Variants in FARS2 observed in about 807,000 individuals in gnomAD.
The protein encoded by FARS2 is phenylalanyl-tRNA synthetase 2, mitochondrial.
In FARS2, 40 loss-of-function variants were observed where a neutral mutation model predicts 46.4. That is an observed-to-expected ratio of 0.86 (90% CI 0.67 to 1.12). The LOEUF is 1.12. FARS2 is among the 50% of genes most tolerant of loss of function. The pLI is 0.00. For synonymous variants in FARS2, 234 were observed against 214.9 expected (o/e 1.09, Z -0.78); for missense variants, 513 against 567.9 (o/e 0.90, Z 0.98).
rs1561824809 is a variant in FARS2, at chr6:5,728,239, G to A, written c.1218-43052G>A. 1.7e-4 allele frequency among the ~76,000 whole-genome samples: 26 copies of A among 152,124 alleles called. 1 individual carries two copies. In the East Asian group the frequency reaches 4.8e-3, roughly 28 times the overall value. Reference sequence around the variant, plus strand: ...CCTGCAATTCCACCCAATAATTTGGGTTTGTTTCAAAATAGCCTAATAGCT... The same window carrying A: ...CCTGCAATTCCACCCAATAATTTGGATTTGTTTCAAAATAGCCTAATAGCT... On this transcript the variant is annotated intron_variant, in intron 6 of 6. Coordinates refer to ENST00000274680, the MANE Select transcript of FARS2 (RefSeq NM_006567.5).
Position 5,267,738 on chromosome 6 carries a change from A to G in FARS2, c.-22+6078A>G, listed in dbSNP as rs367553962. Among the ~76,000 whole-genome samples the G allele has an allele frequency of 5.1e-4, 73 of 144,124 alleles. No homozygotes were observed. The East Asian group carries it at 0.01, about 20-fold the overall frequency. 94.6% of individuals were successfully genotyped at this position (144,124 alleles called of 152,430 possible). A position where few individuals can be genotyped will look rare whatever the true frequency, so the allele number is the denominator to read the frequency against. On this transcript the variant is annotated intron_variant, in intron 1 of 6. Transcript: ENST00000274680. ...CACTGCACTCCAGCTTGGGAGACACAGCGAGACTGTCTCAAAAAAAAAAAA... is the reference window on the plus strand; with the variant it reads ...CACTGCACTCCAGCTTGGGAGACACGGCGAGACTGTCTCAAAAAAAAAAAA...
chr6:5,291,010 A>T (rs1238342693), intron 1 of FARS2: 1 of 152,230 alleles, frequency 6.6e-6, no homozygotes, highest in South Asian at 2.1e-4. Context: ...GTGAGCCACC[A>T]TGCCTAGCCT....
intron 6 of FARS2, among the ~76,000 whole-genome samples, chr6:5,615,586 G>A (rs1222051910): frequency 2.0e-5 from 3 of 152,086 alleles, no homozygotes; most frequent in African/African-American, 7.2e-5. Flanking sequence ...TGCTCCAATG[G>A]CAACATTTTT....
chr6:5,299,943 T>C (rs1394186124), intron 1 of FARS2, among the ~76,000 whole-genome samples: 1 of 152,196 alleles, frequency 6.6e-6, no homozygotes, highest in Non-Finnish European at 1.5e-5. Flanking sequence ...CCTTTATCTA[T>C]TAAAAAAAGA....
intron 5 of FARS2, among the ~76,000 whole-genome samples, chr6:5,612,796 A>T (rs1775259933): frequency 6.6e-6 from 1 of 152,216 alleles, no homozygotes; most frequent in African/African-American, 2.4e-5. Context: ...TGGCTTTCTG[A>T]AAGTATCACA....
chr6:5,329,069 G>T (rs1330378110), intron 1 of FARS2, among the ~76,000 whole-genome samples: 1 of 151,298 alleles, frequency 6.6e-6, no homozygotes, highest in Non-Finnish European at 1.5e-5. Context: ...AGAGTGCTGT[G>T]TTTCAGTGAT....
At chr6:5,257,064 T>C (rs553151235), upstream of FARS2, among the ~76,000 whole-genome samples, 1 of 152,334 alleles carries the variant, frequency 6.6e-6, no homozygotes, top group East Asian at 1.9e-4. Flanking sequence ...TCAACTCCCA[T>C]TTGATGTCCT....
At chr6:5,584,108 G>GACACACACACACAC (rs143867485) in intron 5 of FARS2, among the ~76,000 whole-genome samples, 5,699 of 122,862 alleles carry the variant, frequency 0.046, 516 homozygotes, top group African/African-American at 0.14. Flanking sequence ...TTCTCTCTCT[G>GACACACACACACAC]ACACACACAC....
intron 1 of FARS2, among the ~76,000 whole-genome samples, chr6:5,342,608 C>T (rs1308467433): frequency 6.6e-6 from 1 of 151,970 alleles, no homozygotes; most frequent in South Asian, 2.1e-4. Flanking sequence ...CAAAATTAGC[C>T]AGGCTTGATG....
chr6:5,749,837 A>C (rs949984042), intron 6 of FARS2, among the ~76,000 whole-genome samples: 2 of 152,198 alleles, frequency 1.3e-5, no homozygotes, highest in Non-Finnish European at 1.5e-5. Context: ...ATGAGAGAAC[A>C]TGAAGCAATC....
At chr6:5,761,491 C>T (rs1334936329) in intron 6 of FARS2, among the ~76,000 whole-genome samples, 1 of 152,230 alleles carries the variant, frequency 6.6e-6, no homozygotes, top group Non-Finnish European at 1.5e-5. Context: ...CGTAGCACTT[C>T]ACCTGCCACA....
In FARS2 at chr6:5,639,502, A is replaced by G. The variant is rs373031173; in HGVS notation, c.1217+26182A>G. On this transcript the variant is annotated intron_variant, in intron 6 of 6. Coordinates refer to ENST00000274680, the MANE Select transcript of FARS2 (RefSeq NM_006567.5). ...CAGGATACCTTTGGGGATTTTCAAG[A>G]ATGAGAAGTAGATTTCTCTTGCTTA... Among the ~76,000 whole-genome samples the G allele has an allele frequency of 6.4e-4, 97 of 152,328 alleles. 2 individuals are homozygous for G. In the South Asian group the frequency reaches 0.02, roughly 31 times the overall value.
At chr6:5,284,297 G>T (rs1387920757) in intron 1 of FARS2, among the ~76,000 whole-genome samples, 1 of 152,146 alleles carries the variant, frequency 6.6e-6, no homozygotes, top group Non-Finnish European at 1.5e-5. Context: ...TGGAGTTTTG[G>T]TGGATATATT....
chr6:5,623,055 A>T (rs1187433345), intron 6 of FARS2, among the ~76,000 whole-genome samples: 3 of 152,194 alleles, frequency 2.0e-5, no homozygotes, highest in African/African-American at 7.2e-5. Context: ...CACACCTTAG[A>T]TGTGTGATGT....
At chr6:5,283,543 T>A (rs1766899603) in intron 1 of FARS2, among the ~76,000 whole-genome samples, 1 of 98,992 alleles carries the variant, frequency 1.0e-5, no homozygotes. Context: ...AGCGAGACTT[T>A]GTTTCAAAAA....
intron 2 of FARS2, among the ~76,000 whole-genome samples, chr6:5,384,686 G>A (rs191833561): frequency 4.5e-4 from 69 of 152,248 alleles, no homozygotes; most frequent in African/African-American, 1.6e-3. Context: ...CTGACATAGG[G>A]TTTCCCTGAG....
At chr6:5,483,549 C>G (rs1036059862) in intron 4 of FARS2, among the ~76,000 whole-genome samples, 10 of 152,082 alleles carry the variant, frequency 6.6e-5, no homozygotes, top group Non-Finnish European at 1.3e-4. Context: ...TACCTGTAGT[C>G]CCAGCTACTC....
At chr6:5,319,370 A>G (rs1769802661) in intron 1 of FARS2, among the ~76,000 whole-genome samples, 1 of 152,194 alleles carries the variant, frequency 6.6e-6, no homozygotes, top group Non-Finnish European at 1.5e-5. Context: ...CTCGACTGGT[A>G]AGGGAAAAAT....
intron 4 of FARS2, among the ~76,000 whole-genome samples, chr6:5,478,343 A>G (rs1766248669): frequency 6.6e-6 from 1 of 152,170 alleles, no homozygotes; most frequent in African/African-American, 2.4e-5. Flanking sequence ...TATATCTTTC[A>G]CTTGTATGAT....
Sources: allele counts gnomAD v4.1 joint callset (sites outside exome capture counted in the v4.1 genomes callset), GRCh38; gene constraint gnomAD v4.1.1; transcripts MANE v1.5; gene names NCBI Gene and HGNC (gene_info 2026-07-23, HGNC 2026-07-21).